Variants in ADGRB3 observed in about 807,000 individuals in gnomAD.
ADGRB3 encodes the protein adhesion G protein-coupled receptor B3, also known as brain-specific angiogenesis inhibitor 3.
Under a neutral mutation model 193.4 loss-of-function variants are expected in ADGRB3, and 37 were observed. That is an observed-to-expected ratio of 0.19 (90% CI 0.15 to 0.25). The LOEUF is 0.25. ADGRB3 is among the 10% of genes least tolerant of loss of function. The probability of loss-of-function intolerance (pLI) is 1.00; values close to 1 mark genes in which losing one functional copy is unlikely to be tolerated. For synonymous variants in ADGRB3, 690 were observed against 644.2 expected (o/e 1.07, Z -1.08); for missense variants, 1,637 against 1,852.9 (o/e 0.88, Z 2.14).
chr6:69,299,160 G>C (rs746051846), intron 20 of ADGRB3, among the ~76,000 whole-genome samples: 1 of 151,958 alleles, frequency 6.6e-6, no homozygotes, highest in South Asian at 2.1e-4. Flanking sequence ...TCATACGCCT[G>C]TTGGCCATTT....
At chr6:68,648,440 A>G (rs375961665) in intron 3 of ADGRB3, among the ~76,000 whole-genome samples, 1 of 151,230 alleles carries the variant, frequency 6.6e-6, no homozygotes, top group Admixed American at 6.6e-5. Context: ...TCTACTAAAA[A>G]ACAAGTTTAT....
chr6:69,340,329 A>G (rs1198507120), intron 26 of ADGRB3, among the ~76,000 whole-genome samples: 1 of 152,206 alleles, frequency 6.6e-6, no homozygotes, highest in African/African-American at 2.4e-5. Flanking sequence ...GCTTGCAAGC[A>G]CTGAGAGTAT....
At chr6:69,310,283 G>A (rs1768163255) in intron 20 of ADGRB3, among the ~76,000 whole-genome samples, 1 of 151,672 alleles carries the variant, frequency 6.6e-6, no homozygotes, top group African/African-American at 2.4e-5. Context: ...GAAGCCAAAG[G>A]AGCTTAATAA....
chr6:69,071,441 G>A (rs1012373922), intron 16 of ADGRB3, among the ~76,000 whole-genome samples: 6 of 152,144 alleles, frequency 3.9e-5, no homozygotes, highest in African/African-American at 7.2e-5. Context: ...TTTGGTTGAC[G>A]TTGGAACAGA....
chr6:69,087,358 T>A (rs138979106), intron 17 of ADGRB3, among the ~76,000 whole-genome samples: 1 of 152,288 alleles, frequency 6.6e-6, no homozygotes, highest in Non-Finnish European at 1.5e-5. Context: ...TGAACTGATG[T>A]TAGTGCTATG....
intron 20 of ADGRB3, among the ~76,000 whole-genome samples, chr6:69,294,127 C>A (rs2127293758): frequency 6.6e-6 from 1 of 152,110 alleles, no homozygotes; most frequent in East Asian, 1.9e-4. Flanking sequence ...CTCAAAACAC[C>A]TGGAGAGGTT....
chr6:68,689,927 A>G lies in ADGRB3; in HGVS notation c.757+50495A>G, dbSNP rs1259557326. ...GAGATTGTTTTGCCTGTCTCTTCAC[A>G]TATTTTGTCATTCTGGTCATTATAC... On this transcript the variant is annotated intron_variant, in intron 3 of 31. Transcript: ENST00000370598. Among the ~76,000 whole-genome samples, 3 of 152,146 alleles carry G rather than the reference A, an allele frequency of 2.0e-5. 1 individual carries two copies. The highest frequency in any genetic ancestry group is 1.3e-4 in the Admixed American group (2 of 15,262).
intron 3 of ADGRB3, among the ~76,000 whole-genome samples, chr6:68,852,133 C>T (rs1415273352): frequency 6.6e-6 from 1 of 151,840 alleles, no homozygotes; most frequent in African/African-American, 2.4e-5. Flanking sequence ...TTTCCTCTTT[C>T]TTTGTAGAAT....
At chr6:69,308,866 C>G (rs1408477620) in intron 20 of ADGRB3, among the ~76,000 whole-genome samples, 25 of 151,600 alleles carry the variant, frequency 1.6e-4, no homozygotes, top group Admixed American at 1.6e-3. Context: ...AGAATATTAT[C>G]CAAAGTTTTA....
intron 17 of ADGRB3, among the ~76,000 whole-genome samples, chr6:69,182,566 C>T (rs1009990925): frequency 1.3e-5 from 2 of 152,012 alleles, no homozygotes; most frequent in African/African-American, 4.8e-5. Context: ...CCCACTTGGC[C>T]TGAGACTCTA....
intron 2 of ADGRB3, among the ~76,000 whole-genome samples, chr6:68,638,431 T>A (rs1242186926): frequency 6.6e-6 from 1 of 152,236 alleles, no homozygotes; most frequent in Non-Finnish European, 1.5e-5. Context: ...AAATGTTATT[T>A]TTAAATTGAA....
chr6:69,116,192 A>G (rs1417434690), intron 17 of ADGRB3, among the ~76,000 whole-genome samples: 3 of 152,214 alleles, frequency 2.0e-5, no homozygotes, highest in Admixed American at 6.5e-5. Context: ...AGGCCCATCC[A>G]CATTTTAGAG....
intron 3 of ADGRB3, among the ~76,000 whole-genome samples, chr6:68,812,392 C>T (rs933473353): frequency 1.3e-5 from 2 of 151,804 alleles, no homozygotes; most frequent in Non-Finnish European, 2.9e-5. Context: ...ATGTGTATTT[C>T]AGGGAGCTTA....
rs766375078 is a variant in ADGRB3 at position 69,354,346 on chromosome 6, C to T, written c.3555+18C>T. 6.3e-7 allele frequency: 1 copy of T among 1,577,516 alleles called. No individual in the cohort carries two copies. Among genetic ancestry groups the T allele is most frequent in the Non-Finnish European group, 8.7e-7 (1 of 1,147,182 alleles). ...AAATCATGGTGAGTTTTTATTTTTC[C>T]CCGATTGTTAATTAACTCATGATTT... is the stretch of plus-strand genomic sequence containing the variant. On this transcript the variant is annotated intron_variant, in intron 27 of 31. Transcript: ENST00000370598.
chr6:68,868,862 G>A (rs1317628820), intron 3 of ADGRB3, among the ~76,000 whole-genome samples: 1 of 150,882 alleles, frequency 6.6e-6, no homozygotes, highest in Non-Finnish European at 1.5e-5. Context: ...GAACCAAAAA[G>A]TATTTAACAT....
At chr6:69,094,138 C>A (rs1772796423) in intron 17 of ADGRB3, among the ~76,000 whole-genome samples, 2 of 152,012 alleles carry the variant, frequency 1.3e-5, no homozygotes, top group Non-Finnish European at 2.9e-5. Context: ...ATGACCGAAA[C>A]CAACAGACTT....
intron 17 of ADGRB3, among the ~76,000 whole-genome samples, chr6:69,135,396 T>C (rs2150335746): frequency 6.6e-6 from 1 of 152,088 alleles, no homozygotes. Context: ...TCCATTAAGA[T>C]GTCCTCTATA....
At chr6:69,280,102 A>G (rs1055940687) in intron 20 of ADGRB3, among the ~76,000 whole-genome samples, 4 of 152,168 alleles carry the variant, frequency 2.6e-5, no homozygotes, top group African/African-American at 9.7e-5. Context: ...AGGGAAAGAA[A>G]CTGAGACTTG....
chr6:68,712,596 G>T (rs888094390), intron 3 of ADGRB3, among the ~76,000 whole-genome samples: 3 of 151,866 alleles, frequency 2.0e-5, no homozygotes, highest in African/African-American at 4.8e-5. Flanking sequence ...TAGAAATATA[G>T]GAGGAAGGAC....
Sources: allele counts gnomAD v4.1 joint callset (sites outside exome capture counted in the v4.1 genomes callset), GRCh38; gene constraint gnomAD v4.1.1; transcripts MANE v1.5; gene names NCBI Gene and HGNC (gene_info 2026-07-23, HGNC 2026-07-21).